PIK3CD: variants seen among roughly 807,000 people sequenced by gnomAD.
PIK3CD encodes the protein phosphatidylinositol 4,5-bisphosphate 3-kinase catalytic subunit delta isoform.
PIK3CD carries 20 observed loss-of-function variants against 122.9 expected under a neutral mutation model. The ratio of observed to expected loss-of-function variants is 0.16; its 90% confidence interval spans 0.11 to 0.24. PIK3CD has a LOEUF of 0.24. Among genes scored for constraint, PIK3CD ranks in the 10% least tolerant of loss-of-function variants. PIK3CD has a pLI of 1.00. For synonymous variants in PIK3CD, 596 were observed against 593.4 expected (o/e 1.00, Z -0.06); for missense variants, 787 against 1,406.3 (o/e 0.56, Z 7.04).
chr1:9,650,395 C>A (rs755512785), upstream of PIK3CD, among the ~76,000 whole-genome samples: 21 of 152,096 alleles, frequency 1.4e-4, no homozygotes, highest in Non-Finnish European at 2.5e-4. Flanking sequence ...GCACTCCAGC[C>A]TGGGCAACAG....
intron 2 of PIK3CD, among the ~76,000 whole-genome samples, chr1:9,692,665 G>A (rs999278939): frequency 4.6e-5 from 7 of 151,738 alleles, no homozygotes; most frequent in Non-Finnish European, 7.4e-5. Context: ...AGGAGGCGGA[G>A]GTTGCAGTGA....
chr1:9,648,644 G>A (rs1644629221), upstream of PIK3CD, among the ~76,000 whole-genome samples: 1 of 151,946 alleles, frequency 6.6e-6, no homozygotes, highest in South Asian at 2.1e-4. Context: ...TGAGCCTGGG[G>A]TAAGCAAGAG....
Position 9,720,738 on chromosome 1 carries a change from T to TCAGCAG in PIK3CD, c.1522-2_1525dup. 1 of 1,611,608 alleles carries TCAGCAG rather than the reference T, an allele frequency of 6.2e-7. No homozygotes were observed. The highest frequency in any genetic ancestry group is 8.5e-7 in the Non-Finnish European group (1 of 1,179,378). On this transcript the variant is annotated splice_polypyrimidine_tract_variant and splice_region_variant and intron_variant, in intron 12 of 23. Coordinates refer to ENST00000377346, the MANE Select transcript of PIK3CD (RefSeq NM_005026.5). This position sits in a 1 kb window ranked among gnomAD's most constrained non-coding sequence, Gnocchi z 9.0. ...GAGCCCTCACTCCTGCCCACACCCC[T>TCAGCAG]CAGCAGCTGCAGCTGCGGGAAATCC...
At chr1:9,703,456 C>A (rs1049464896) in intron 2 of PIK3CD, among the ~76,000 whole-genome samples, 6 of 150,298 alleles carry the variant, frequency 4.0e-5, no homozygotes, top group African/African-American at 1.5e-4. Context: ...AAAAAAAAAC[C>A]AACAAAAACG....
At chr1:9,645,287 G>C in the PIK3CD span, among the ~76,000 whole-genome samples, 3 of 151,902 alleles carry the variant, frequency 2.0e-5, no homozygotes, top group African/African-American at 7.2e-5. Flanking sequence ...CCAAAGTGCT[G>C]GGATTAGAGG....
Position 9,713,705 on chromosome 1 carries a change from C to G in PIK3CD, c.142-1836C>G, listed in dbSNP as rs551920201. On this transcript the variant is annotated intron_variant, in intron 3 of 23. Coordinates refer to ENST00000377346, the MANE Select transcript of PIK3CD (RefSeq NM_005026.5). ...TCCTGGGCCCAAGCGATCTTCCCAT[C>G]TTAGCCTACTGAGTAGCTGGGACTA... Among the ~76,000 whole-genome samples the G allele has an allele frequency of 8.9e-4, 135 of 152,210 alleles. 1 individual carries two copies. In the Middle Eastern group the frequency reaches 0.014, roughly 15 times the overall value.
At chr1:9,628,456 A>G in the PIK3CD span, among the ~76,000 whole-genome samples, 3 of 152,326 alleles carry the variant, frequency 2.0e-5, no homozygotes, top group East Asian at 5.8e-4. Flanking sequence ...ATTTTTACAT[A>G]TATGAATTAT....
Position 9,715,892 on chromosome 1 carries a change from C to T in PIK3CD, c.414C>T (p.Asp138=), listed in dbSNP as rs759769097. The T allele has an allele frequency of 1.2e-6, 2 of 1,612,638 alleles. No homozygotes were observed. The highest frequency in any genetic ancestry group is 1.1e-5 in the South Asian group (1 of 91,080). ...CCTTGTGCGACCCAGAAGTGAACGA[C>T]TTTCGCGCCAAGATGTGCCAATTCT... is the stretch of plus-strand genomic sequence containing the variant. ...FDSLCDPEVN[D]FRAKMCQFCE... is the part of the protein sequence containing the mutation. The change falls in exon 5 of 24, where the codon GAC becomes GAT. Residue 138 remains aspartate (D), a synonymous_variant. Coordinates refer to ENST00000377346, the MANE Select transcript of PIK3CD (RefSeq NM_005026.5). This position sits in a 1 kb window ranked among gnomAD's most constrained non-coding sequence, Gnocchi z 4.1.
In PIK3CD at chr1:9,727,220, A is replaced by G; in HGVS notation, c.*174A>G. The G allele has an allele frequency of 1.3e-6, 1 of 753,816 alleles. No homozygotes were observed. The highest frequency in any genetic ancestry group is 1.7e-5 in the South Asian group (1 of 59,118). 46.7% of individuals were successfully genotyped at this position (753,816 alleles called of 1,614,324 possible). A position where few individuals can be genotyped will look rare whatever the true frequency, so the allele number is the denominator to read the frequency against. ...ATGACTTGAAATAGTTTAAGGAGCT[A>G]AACAGCCATAAACGGAAACGCCTCC... On this transcript the variant is annotated 3_prime_UTR_variant, in exon 24 of 24. Transcript: ENST00000377346.
chr1:9,640,822 C>T, the PIK3CD span, among the ~76,000 whole-genome samples: 1 of 152,164 alleles, frequency 6.6e-6, no homozygotes, highest in South Asian at 2.1e-4. Context: ...CTGCCCCCTC[C>T]CGCATCCTCC....
At chr1:9,695,660 G>A (rs915153264) in intron 2 of PIK3CD, among the ~76,000 whole-genome samples, 2 of 152,016 alleles carry the variant, frequency 1.3e-5, no homozygotes, top group African/African-American at 2.4e-5. Context: ...TGGCCAACAT[G>A]GTGAAACCCT....
intron 14 of PIK3CD, 72 bp from the exon 15 acceptor site, chr1:9,721,372 C>T (rs1322837089): frequency 6.2e-7 from 1 of 1,609,164 alleles, no homozygotes; most frequent in East Asian, 2.2e-5. Flanking sequence ...TGGCCTCCCT[C>T]TGGCTGCCGA....
At chr1:9,645,842 G>A in the PIK3CD span, among the ~76,000 whole-genome samples, 2 of 152,154 alleles carry the variant, frequency 1.3e-5, no homozygotes, top group African/African-American at 4.8e-5. Context: ...CTGACCTCAG[G>A]TGATCCACCT....
rs889664594 is a variant in PIK3CD, at chr1:9,719,387, G to A, written c.1242+472G>A. Among the ~76,000 whole-genome samples, 5 of 152,188 alleles carry A rather than the reference G, an allele frequency of 3.3e-5. No individual in the cohort carries two copies. The highest frequency in any genetic ancestry group is 7.2e-5 in the African/African-American group (3 of 41,452). On this transcript the variant is annotated intron_variant, in intron 9 of 23. Coordinates refer to ENST00000377346, the MANE Select transcript of PIK3CD (RefSeq NM_005026.5). This position sits in a 1 kb window ranked among gnomAD's most constrained non-coding sequence, Gnocchi z 5.5. ...TCTCAAGAAGCCAGGAGGGCCAGGC[G>A]TGGTGGCTCATGCCTGTAATCCCAG...
chr1:9,721,127 A>T lies in PIK3CD; in HGVS notation c.1690A>T (p.Met564Leu), dbSNP rs752658744. 1 of 1,610,684 alleles carries T rather than the reference A, an allele frequency of 6.2e-7. No homozygotes were observed. Residue 564 changes from methionine to leucine, a missense_variant and splice_region_variant, in exon 14 of 24, where the codon ATG (methionine) becomes TTG (leucine). Physicochemically the swap from Met to Leu is conservative, Grantham distance 15. This residue lies in a region of PIK3CD where 592 missense variants were observed against 920.6 expected (regional missense o/e 0.64). Transcript: ENST00000377346. ...CAAGCCTGACCTCGGCTCCCCCCAG[A>T]TGCTCTACCTGCTGTGCTCCTGGCC... The part of the protein sequence containing the change: ...KWNKHEDVAQ[M>L]LYLLCSWPEL...
chr1:9,667,129 G>T (rs1645184581), intron 1 of PIK3CD, among the ~76,000 whole-genome samples: 1 of 152,142 alleles, frequency 6.6e-6, no homozygotes, highest in Non-Finnish European at 1.5e-5. Flanking sequence ...CTCCCAAAGT[G>T]CTAGCATTAC....
In PIK3CD at chr1:9,667,052, C is replaced by G. The variant is rs940319321; in HGVS notation, c.-138+15250C>G. Among the ~76,000 whole-genome samples the G allele has an allele frequency of 3.9e-5, 6 of 152,168 alleles. No homozygotes were observed. The East Asian group carries it at 7.7e-4, about 20-fold the overall frequency. The stretch of plus-strand genomic sequence containing the variant: ...CTAATTTTTTGTATTTTAGTAGATA[C>G]GGGGTTTCACCATGTTTTCCAAGCT... On this transcript the variant is annotated intron_variant, in intron 1 of 23. Transcript: ENST00000377346.
the PIK3CD span, among the ~76,000 whole-genome samples, chr1:9,635,721 T>G: frequency 6.6e-6 from 1 of 152,258 alleles, no homozygotes; most frequent in Non-Finnish European, 1.5e-5. Context: ...ACTGTGCTCT[T>G]GCCATCTTGC....
At chr1:9,678,913 A>G (rs1012162489) in intron 1 of PIK3CD, among the ~76,000 whole-genome samples, 1 of 151,938 alleles carries the variant, frequency 6.6e-6, no homozygotes, top group African/African-American at 2.4e-5. Flanking sequence ...GTGACTCTCC[A>G]CTGTATCATC....
Sources: allele counts gnomAD v4.1 joint callset (sites outside exome capture counted in the v4.1 genomes callset), GRCh38; gene constraint gnomAD v4.1.1; regional missense constraint gnomAD v4.1.1; non-coding constraint Gnocchi (gnomAD v3.1); transcripts MANE v1.5; gene names NCBI Gene and HGNC (gene_info 2026-07-23, HGNC 2026-07-21).